ANKS1B: variants seen among roughly 807,000 people sequenced by gnomAD.
ANKS1B encodes ankyrin repeat and sterile alpha motif domain-containing protein 1B.
A neutral mutation model predicts 148.3 loss-of-function variants in ANKS1B; 36 were observed. The ratio of observed to expected loss-of-function variants is 0.24; its 90% CI spans 0.19 to 0.32. The LOEUF is 0.32. Among genes scored for constraint, ANKS1B ranks in the 10% least tolerant of loss-of-function variants. The pLI is 1.00. For synonymous variants in ANKS1B, 542 were observed against 560.8 expected, an observed-to-expected ratio of 0.97 and a Z score of 0.47; for missense variants, 1,157 against 1,542.6, an observed-to-expected ratio of 0.75 and a Z score of 4.19.
In ANKS1B at chr12:99,246,787, A is replaced by T. The variant is rs1368221376; in HGVS notation, c.1834T>A (p.Ser612Thr). The change falls in exon 13 of 27, where the codon TCC becomes ACC. Residue 612 changes from serine to threonine, a missense_variant. Ser to Thr is a moderately conservative substitution (Grantham distance 58). Around this residue, in one of 6 missense-constraint regions of ANKS1B, gnomAD observed 661 missense variants for 642.1 expected, o/e 1.03. Coordinates refer to ENST00000683438, the MANE Select transcript of ANKS1B (RefSeq NM_001352186.2). The part of the protein sequence containing the change: ...PGQFAGLLHG[S>T]SPACESPENP... ...TCAGGGGACTCACAGGCTGGAGAGG[A>T]TCCATGGAGCAGGCCTGCAAATTGC... The T allele has an allele frequency of 6.2e-7, 1 of 1,613,416 alleles. No homozygotes were observed. Among genetic ancestry groups the T allele is most frequent in the East Asian group, 2.2e-5 (1 of 44,866 alleles).
intron 2 of ANKS1B, among the ~76,000 whole-genome samples, chr12:99,821,480 A>T (rs978522561): frequency 3.9e-5 from 6 of 152,028 alleles, no homozygotes; most frequent in Non-Finnish European, 7.4e-5. Context: ...CAAAAAAAAA[A>T]AAAATTATGC....
chr12:99,447,729 T>C lies in ANKS1B; in HGVS notation c.1439-3920A>G, dbSNP rs956312485. 2.6e-5 allele frequency among the ~76,000 whole-genome samples: 4 copies of C among 152,116 alleles called. No individual in the cohort carries two copies. In the South Asian group the frequency reaches 8.3e-4, roughly 32 times the overall value. On this transcript the variant is annotated intron_variant, in intron 10 of 26. Coordinates refer to ENST00000683438, the MANE Select transcript of ANKS1B (RefSeq NM_001352186.2). ...TCTGATAAGGAGTTAACATCCAAAA[T>C]ATATGGAACTCAAACAACTCATAGT...
intron 17 of ANKS1B, chr12:98,893,613 A>C (rs1004276958): frequency 6.6e-5 from 10 of 151,812 alleles, no homozygotes; most frequent in African/African-American, 2.4e-4. Flanking sequence ...TCCACAGAGC[A>C]AGTATCCTTA....
intron 17 of ANKS1B, among the ~76,000 whole-genome samples, chr12:98,916,922 C>A (rs942772282): frequency 2.0e-5 from 3 of 151,698 alleles, no homozygotes; most frequent in South Asian, 2.1e-4. Context: ...TTAGCAAATG[C>A]TAATTTACTT....
intron 17 of ANKS1B, among the ~76,000 whole-genome samples, chr12:98,945,505 C>CAAACAAAAAAAAAAAAAA (rs768458895): frequency 3.3e-5 from 1 of 30,296 alleles, no homozygotes; most frequent in African/African-American, 1.1e-4. Flanking sequence ...AACAAACAAA[C>CAAACAAAAAAAAAAAAAA]AAAAAAAAAA....
At chr12:98,905,258 CA>C (rs1468530869) in intron 17 of ANKS1B, among the ~76,000 whole-genome samples, 1 of 152,200 alleles carries the variant, frequency 6.6e-6, no homozygotes, top group African/African-American at 2.4e-5. Flanking sequence ...CTACGCTGGG[CA>C]AGCTACTATG....
chr12:99,585,548 C>T (rs866475207), intron 9 of ANKS1B, among the ~76,000 whole-genome samples: 1 of 152,172 alleles, frequency 6.6e-6, no homozygotes, highest in African/African-American at 2.4e-5. Flanking sequence ...TGCCCCAGTG[C>T]GGACTCTGTG....
intron 9 of ANKS1B, among the ~76,000 whole-genome samples, chr12:99,589,837 A>T (rs574576509): frequency 2.0e-5 from 3 of 152,288 alleles, no homozygotes; most frequent in Admixed American, 2.0e-4. Flanking sequence ...TGCTCCTAAC[A>T]CAAAAAAATG....
At chr12:99,389,866 G>C (rs1384074929) in intron 12 of ANKS1B, among the ~76,000 whole-genome samples, 1 of 152,172 alleles carries the variant, frequency 6.6e-6, no homozygotes, top group Non-Finnish European at 1.5e-5. Context: ...ATTTTGGAAG[G>C]ATTAGCGCTT....
chr12:99,956,270 T>A (rs2095322871), intron 1 of ANKS1B, among the ~76,000 whole-genome samples: 1 of 135,996 alleles, frequency 7.4e-6, no homozygotes. Context: ...AGAGGGAGAC[T>A]CTGTCTCAAA....
chr12:99,575,362 G>A (rs555193851), intron 9 of ANKS1B, among the ~76,000 whole-genome samples: 8 of 152,106 alleles, frequency 5.3e-5, no homozygotes, highest in Admixed American at 1.3e-4. Flanking sequence ...TTACCACCAC[G>A]CCTGCCTTAC....
intron 9 of ANKS1B, chr12:99,647,890 G>A: frequency 7.3e-6 from 3 of 412,170 alleles, no homozygotes; most frequent in Non-Finnish European, 1.3e-5. Context: ...TGACACCTGT[G>A]TGCCCGGACA....
At chr12:99,525,941 T>A (rs34613986) in intron 9 of ANKS1B, among the ~76,000 whole-genome samples, 22,886 of 151,938 alleles carry the variant, frequency 0.15, 2,114 homozygotes, top group Non-Finnish European at 0.2. Context: ...GGTTAATCTC[T>A]TTAATATATA....
chr12:98,989,345 A>G (rs2099925219), intron 17 of ANKS1B, among the ~76,000 whole-genome samples: 1 of 152,182 alleles, frequency 6.6e-6, no homozygotes, highest in Non-Finnish European at 1.5e-5. Context: ...AGTTTTCCCA[A>G]CACCATTTAT....
chr12:99,467,976 G>T (rs933241492), intron 10 of ANKS1B, among the ~76,000 whole-genome samples: 3 of 152,050 alleles, frequency 2.0e-5, no homozygotes, highest in Non-Finnish European at 4.4e-5. Flanking sequence ...AGCCCACATC[G>T]CCAAGTCAAT....
chr12:99,463,739 G>C (rs903168073), intron 10 of ANKS1B, among the ~76,000 whole-genome samples: 9 of 152,226 alleles, frequency 5.9e-5, no homozygotes, highest in African/African-American at 2.2e-4. Context: ...GGCTTGGGGA[G>C]GGGCGCCCGC....
chr12:99,031,702 A>T (rs2153462854), intron 17 of ANKS1B, among the ~76,000 whole-genome samples: 2 of 152,324 alleles, frequency 1.3e-5, no homozygotes, highest in South Asian at 4.1e-4. Flanking sequence ...CAAAAGCATG[A>T]GGACAAAGTG....
At position 99,246,834 on chromosome 12, in the gene ANKS1B, G is replaced by T. The variant is rs1193507185; in HGVS notation, c.1787C>A (p.Pro596His). 1.9e-6 allele frequency: 3 copies of T among 1,602,646 alleles called. No homozygotes were observed. The highest frequency in any genetic ancestry group is 3.4e-5 in the Admixed American group (2 of 58,074). The change falls in exon 13 of 27, where the codon CCC becomes CAC. Residue 596 changes from proline to histidine, a missense_variant. Physicochemically the swap from Pro to His is moderately conservative, Grantham distance 77 (BLOSUM62 -2). This residue lies in a region of ANKS1B where 661 missense variants were observed against 642.1 expected (regional missense o/e 1.03). Coordinates refer to ENST00000683438, the MANE Select transcript of ANKS1B (RefSeq NM_001352186.2). The stretch of plus-strand genomic sequence containing the variant: ...TTGCCCAGGATCATATTCTTTTGGG[G>T]GATCATTGTCATCCTGTCGGGAGAG... The part of the protein sequence containing the change: ...DDLSRQDDND[P>H]PKEYDPGQFA...
At chr12:99,391,558 TCA>T (rs962861241) in intron 12 of ANKS1B, among the ~76,000 whole-genome samples, 4 of 152,242 alleles carry the variant, frequency 2.6e-5, no homozygotes, top group Non-Finnish European at 5.9e-5. Flanking sequence ...TGAGATACTC[TCA>T]CAGCACTTTC....
Sources: gnomAD v4.1 joint callset for allele counts (sites outside exome capture counted in the v4.1 genomes callset) on GRCh38, gnomAD v4.1.1 for gene constraint, gnomAD v4.1.1 regional missense constraint, MANE v1.5 for transcripts, NCBI Gene and HGNC (gene_info 2026-07-23, HGNC 2026-07-21) for gene names.